The following PRKCA variants were observed in gnomAD, a reference collection of about 807,000 sequenced individuals.
PRKCA encodes protein kinase C alpha type.
PRKCA carries 27 observed loss-of-function variants against 87.0 expected under a neutral mutation model. The ratio of observed to expected loss-of-function variants is 0.31; its 90% CI spans 0.23 to 0.43. The LOEUF (loss-of-function observed/expected upper bound fraction) is 0.43. PRKCA is among the 20% of genes least tolerant of loss of function. PRKCA has a pLI of 1.00. For missense variants in PRKCA, 518 were observed against 852.3 expected, an observed-to-expected ratio of 0.61 and a Z score of 4.88; for synonymous variants, 329 against 311.1, an observed-to-expected ratio of 1.06 and a Z score of -0.61.
chr17:66,302,793 C>T lies in PRKCA; in HGVS notation c.-59C>T. On this transcript the variant is annotated 5_prime_UTR_variant, in exon 1 of 17. Transcript: ENST00000413366. Reference sequence around the variant, plus strand: ...GCACCTCTCCCCCGCCGCCCCCGCCCACCCGGCCCTCCGCGGCCGCAGCTC... The same window carrying T: ...GCACCTCTCCCCCGCCGCCCCCGCCTACCCGGCCCTCCGCGGCCGCAGCTC... 1.5e-6 allele frequency: 2 copies of T among 1,374,426 alleles called. No individual in the cohort carries two copies. The highest frequency in any genetic ancestry group is 1.9e-6 in the Non-Finnish European group (2 of 1,043,552). 85.1% of individuals were successfully genotyped at this position (1,374,426 alleles called of 1,614,324 possible).
intron 8 of PRKCA, among the ~76,000 whole-genome samples, chr17:66,721,312 G>A (rs574759629): frequency 1.3e-4 from 20 of 151,694 alleles, no homozygotes; most frequent in African/African-American, 4.6e-4. Flanking sequence ...CAGGAGAATG[G>A]CGTGTATCCG....
intron 8 of PRKCA, among the ~76,000 whole-genome samples, chr17:66,702,832 G>A (rs1973096636): frequency 6.6e-6 from 1 of 152,118 alleles, no homozygotes; most frequent in African/African-American, 2.4e-5. Context: ...TAGGCTATAG[G>A]GTGTAACCTA....
intron 16 of PRKCA, 135 bp downstream of exon 16, chr17:66,789,114 A>T (rs1975471699): frequency 1.8e-6 from 2 of 1,113,672 alleles, no homozygotes; most frequent in Non-Finnish European, 2.6e-6. Context: ...GCCAGGTTTC[A>T]GCCTTGTCCT....
chr17:66,445,960 C>T (rs999254554), intron 2 of PRKCA, among the ~76,000 whole-genome samples: 3 of 151,986 alleles, frequency 2.0e-5, no homozygotes, highest in African/African-American at 4.8e-5. Context: ...ACTACAGGTG[C>T]GTGCCACTAC....
intron 2 of PRKCA, among the ~76,000 whole-genome samples, chr17:66,479,741 A>C (rs979255210): frequency 2.0e-5 from 3 of 152,186 alleles, no homozygotes; most frequent in African/African-American, 7.2e-5. Flanking sequence ...ATCCTTACCA[A>C]ACTAACACAG....
chr17:66,638,871 T>C (rs369188612), intron 3 of PRKCA, among the ~76,000 whole-genome samples: 1 of 152,046 alleles, frequency 6.6e-6, no homozygotes, highest in African/African-American at 2.4e-5. Context: ...TAACAAGCCT[T>C]TGGCATATAT....
At chr17:66,372,429 G>A (rs1567795269) in intron 2 of PRKCA, among the ~76,000 whole-genome samples, 1 of 151,698 alleles carries the variant, frequency 6.6e-6, no homozygotes, top group Non-Finnish European at 1.5e-5. Flanking sequence ...TGAATCACTA[G>A]GTTTTTTTTA....
At chr17:66,760,715 T>G (rs1974664533) in intron 13 of PRKCA, among the ~76,000 whole-genome samples, 1 of 152,236 alleles carries the variant, frequency 6.6e-6, no homozygotes, top group South Asian at 2.1e-4. Flanking sequence ...ATCCCATGGA[T>G]GTTAAAGGAT....
At chr17:66,700,954 C>G (rs1355007525) in intron 8 of PRKCA, among the ~76,000 whole-genome samples, 1 of 151,860 alleles carries the variant, frequency 6.6e-6, no homozygotes, top group East Asian at 1.9e-4. Context: ...AAAAATAATC[C>G]CAGAATTCGT....
intron 8 of PRKCA, among the ~76,000 whole-genome samples, chr17:66,727,384 G>GCCA (rs1295317688): frequency 6.6e-6 from 1 of 152,112 alleles, no homozygotes; most frequent in African/African-American, 2.4e-5. Context: ...GAAATGTGGT[G>GCCA]CCACCTGTTT....
Position 66,302,662 on chromosome 17 carries a change from C to A in PRKCA, c.-190C>A. 5.1e-6 allele frequency: 1 copy of A among 196,360 alleles called. No individual in the cohort carries two copies. The highest frequency in any genetic ancestry group is 1.5e-4 in the South Asian group (1 of 6,512). 12.2% of individuals were successfully genotyped at this position (196,360 alleles called of 1,614,324 possible). A position where few individuals can be genotyped will look rare whatever the true frequency, so the allele number is the denominator to read the frequency against. ...CGAGCCAGCGGCTCCGGCTCCCGCT[C>A]CCGCTCCGCGCAGCACCAGCCCGAC... On this transcript the variant is annotated 5_prime_UTR_variant, in exon 1 of 17. Coordinates refer to ENST00000413366, the MANE Select transcript of PRKCA (RefSeq NM_002737.3).
At chr17:66,650,193 C>A (rs543950973) in intron 5 of PRKCA, among the ~76,000 whole-genome samples, 13 of 152,288 alleles carry the variant, frequency 8.5e-5, no homozygotes, top group Admixed American at 7.8e-4. Flanking sequence ...CGTAGAAACT[C>A]CCGACAGGAG....
intron 8 of PRKCA, among the ~76,000 whole-genome samples, chr17:66,697,286 A>C (rs965940850): frequency 6.6e-6 from 1 of 152,238 alleles, no homozygotes; most frequent in African/African-American, 2.4e-5. Context: ...AGATGTCAGC[A>C]CAGTGGTGGA....
intron 3 of PRKCA, among the ~76,000 whole-genome samples, chr17:66,563,082 G>A (rs1440652590): frequency 6.6e-6 from 1 of 152,096 alleles, no homozygotes; most frequent in Non-Finnish European, 1.5e-5. Context: ...GGAGTGGAAA[G>A]TACAGTGTTC....
intron 5 of PRKCA, among the ~76,000 whole-genome samples, chr17:66,674,938 A>G (rs1055991329): frequency 1.3e-5 from 2 of 152,144 alleles, no homozygotes; most frequent in South Asian, 2.1e-4. Context: ...ACGCCCACCA[A>G]TGGGAAGTCG....
chr17:66,483,505 A>G (rs1915870020), intron 2 of PRKCA, among the ~76,000 whole-genome samples: 1 of 149,788 alleles, frequency 6.7e-6, no homozygotes, highest in South Asian at 2.1e-4. Flanking sequence ...TCTGTCGCCC[A>G]GGCTGTGGAG....
intron 2 of PRKCA, among the ~76,000 whole-genome samples, chr17:66,490,696 T>C (rs943249478): frequency 7.2e-5 from 11 of 152,066 alleles, no homozygotes; most frequent in African/African-American, 2.4e-4. Flanking sequence ...TTCTCCTGCC[T>C]CAGCCTCCCA....
chr17:66,767,883 G>A (rs1309715219), intron 13 of PRKCA, among the ~76,000 whole-genome samples: 1 of 152,166 alleles, frequency 6.6e-6, no homozygotes, highest in Non-Finnish European at 1.5e-5. Flanking sequence ...TGATGCTGAA[G>A]GTTTGCTCCT....
chr17:66,459,716 C>CTTAAAAG (rs1914757498), intron 2 of PRKCA, among the ~76,000 whole-genome samples: 2 of 152,164 alleles, frequency 1.3e-5, no homozygotes, highest in African/African-American at 4.8e-5. Flanking sequence ...TGTTTATAGA[C>CTTAAAAG]CCGACTCCAT....
Sources: allele counts gnomAD v4.1 joint callset (sites outside exome capture counted in the v4.1 genomes callset), GRCh38; gene constraint gnomAD v4.1.1; transcripts MANE v1.5; gene names NCBI Gene and HGNC (gene_info 2026-07-23, HGNC 2026-07-21).